VGLL4: variants seen among roughly 807,000 people sequenced by gnomAD.
VGLL4 encodes the protein vestigial like family member 4, also known as transcription cofactor vestigial-like protein 4.
In VGLL4, 7 loss-of-function variants were observed where a neutral mutation model predicts 21.0. That is an observed-to-expected ratio of 0.33 (90% CI 0.19 to 0.63). The LOEUF (loss-of-function observed/expected upper bound fraction) is 0.63. Among genes scored for constraint, VGLL4 ranks in the 20% least tolerant of loss-of-function variants. VGLL4 has a pLI of 0.78. For synonymous variants in VGLL4, 222 were observed against 173.2 expected (o/e 1.28, Z -2.21); for missense variants, 394 against 425.7 (o/e 0.93, Z 0.66).
intron 1 of VGLL4, among the ~76,000 whole-genome samples, chr3:11,609,112 C>T (rs1242486942): frequency 6.6e-6 from 1 of 152,128 alleles, no homozygotes; most frequent in Non-Finnish European, 1.5e-5. Context: ...AAGTTATCTA[C>T]CCACCTTGGC....
At chr3:11,564,690 C>T in intron 3 of VGLL4, 107 bp downstream of exon 3, 6 of 1,360,548 alleles carry the variant, frequency 4.4e-6, no homozygotes, top group Admixed American at 2.2e-5. Flanking sequence ...CCCTCACCAC[C>T]TCCCTCCCTC....
chr3:11,649,460 T>C (rs1275603957), intron 2 of VGLL4, among the ~76,000 whole-genome samples: 1 of 152,236 alleles, frequency 6.6e-6, no homozygotes, highest in African/African-American at 2.4e-5. Context: ...AATAGTTTAT[T>C]CTTCCTATAA....
At chr3:11,610,361 G>A (rs1281021272) in intron 1 of VGLL4, 1 of 152,200 alleles carries the variant, frequency 6.6e-6, no homozygotes, top group African/African-American at 2.4e-5. Context: ...GCCCCATTCT[G>A]GCTCACTTTT....
intron 2 of VGLL4, among the ~76,000 whole-genome samples, chr3:11,681,801 G>A (rs1254256125): frequency 6.6e-6 from 1 of 152,206 alleles, no homozygotes; most frequent in East Asian, 1.9e-4. Context: ...AGGAGCCAGC[G>A]AGTAAGATTC....
chr3:11,701,185 T>C (rs1017018557), intron 2 of VGLL4, among the ~76,000 whole-genome samples: 1 of 152,112 alleles, frequency 6.6e-6, no homozygotes, highest in African/African-American at 2.4e-5. Context: ...GGATCCCTCA[T>C]GAATGGCACG....
intron 1 of VGLL4, among the ~76,000 whole-genome samples, chr3:11,710,793 T>C (rs950125452): frequency 1.3e-5 from 2 of 152,182 alleles, no homozygotes; most frequent in Non-Finnish European, 2.9e-5. Flanking sequence ...GGTGTACTTC[T>C]TGGCCATCAA....
intron 2 of VGLL4, among the ~76,000 whole-genome samples, chr3:11,580,944 C>T (rs1215271884): frequency 1.3e-5 from 2 of 152,006 alleles, no homozygotes; most frequent in African/African-American, 2.4e-5. Context: ...TTCAAGTCAT[C>T]GGAGGATGGC....
chr3:11,704,367 A>T (rs2076727447), intron 1 of VGLL4, among the ~76,000 whole-genome samples: 1 of 148,966 alleles, frequency 6.7e-6, no homozygotes, highest in Non-Finnish European at 1.5e-5. Flanking sequence ...TGGGCAACAA[A>T]AGGGAAACTC....
intron 2 of VGLL4, chr3:11,702,869 T>C (rs1299200836): frequency 2.8e-6 from 3 of 1,086,396 alleles, no homozygotes; most frequent in East Asian, 3.1e-5. Context: ...TAACAGCAAA[T>C]AGCCAGAAAA....
chr3:11,637,075 A>G (rs1368521859), intron 1 of VGLL4, among the ~76,000 whole-genome samples: 1 of 151,392 alleles, frequency 6.6e-6, no homozygotes, highest in African/African-American at 2.4e-5. Flanking sequence ...AAAAAAAGCT[A>G]GAATTTGTTT....
In VGLL4 at chr3:11,650,827, G is replaced by A. The variant is rs375677202; in HGVS notation, c.65-48805C>T. On this transcript the variant is annotated intron_variant, in intron 2 of 5. Coordinates refer to the VGLL4 transcript ENST00000273038. ...GAAAATAAGTTTGACTATTCCTTGA[G>A]CTAAAGCATCAGTTAAACAATAAGT... Among the ~76,000 whole-genome samples, 5 of 152,094 alleles carry A rather than the reference G, an allele frequency of 3.3e-5. 1 individual carries two copies. Among genetic ancestry groups the A allele is most frequent in the African/African-American group, 1.2e-4 (5 of 41,484 alleles).
chr3:11,683,291 G>A (rs542295272), intron 2 of VGLL4, among the ~76,000 whole-genome samples: 1 of 152,236 alleles, frequency 6.6e-6, no homozygotes, highest in East Asian at 1.9e-4. Flanking sequence ...AATAGATGTT[G>A]GCATAGACAT....
chr3:11,556,863 A>G lies in VGLL4; in HGVS notation c.*1693T>C, dbSNP rs1402223845. The G allele has an allele frequency of 6.5e-6, 1 of 152,720 alleles. No individual in the cohort carries two copies. 9.5% of individuals were successfully genotyped at this position (152,720 alleles called of 1,614,324 possible). On this transcript the variant is annotated 3_prime_UTR_variant, in exon 5 of 5. Transcript: ENST00000430365. Reference sequence around the variant, plus strand: ...GGAAGCCCAGTACAGTGGGAGTGAAATGTGTGCGGGGCAAGGAGAAGGGCT... The same window carrying G: ...GGAAGCCCAGTACAGTGGGAGTGAAGTGTGTGCGGGGCAAGGAGAAGGGCT...
In VGLL4 at chr3:11,575,430, T is replaced by C. The variant is rs572246016; in HGVS notation, c.273-10411A>G. Among the ~76,000 whole-genome samples the C allele has an allele frequency of 5.3e-5, 8 of 152,340 alleles. 1 individual carries two copies. The South Asian group carries it at 1.7e-3, about 32-fold the overall frequency. ...TTTTGACTCCCTCCAGCAGCTCAGC[T>C]GGAATGTGCATCGTGTGTGAGTCTG... On this transcript the variant is annotated intron_variant, in intron 2 of 4. Coordinates refer to ENST00000430365, the MANE Select transcript of VGLL4 (RefSeq NM_001128219.3).
upstream of VGLL4, among the ~76,000 whole-genome samples, chr3:11,647,617 C>G (rs944183201): frequency 1.3e-5 from 2 of 152,122 alleles, no homozygotes; most frequent in African/African-American, 4.8e-5. Context: ...CAACACTGTT[C>G]AGATTTTGGA....
chr3:11,637,829 G>A (rs1166634427), intron 1 of VGLL4, among the ~76,000 whole-genome samples: 1 of 152,022 alleles, frequency 6.6e-6, no homozygotes, highest in Non-Finnish European at 1.5e-5. Flanking sequence ...TTGGGGGGTG[G>A]GAAATGACAC....
At chr3:11,571,102 C>T (rs908729966) in intron 2 of VGLL4, among the ~76,000 whole-genome samples, 8 of 152,112 alleles carry the variant, frequency 5.3e-5, no homozygotes, top group Non-Finnish European at 8.8e-5. Flanking sequence ...AGAAGTGTGT[C>T]GTGGGCAGGA....
At chr3:11,578,380 A>C (rs1309631454) in intron 2 of VGLL4, among the ~76,000 whole-genome samples, 1 of 152,040 alleles carries the variant, frequency 6.6e-6, no homozygotes, top group African/African-American at 2.4e-5. Context: ...CCTCCTCCCC[A>C]CACACCGGAG....
chr3:11,604,440 A>G (rs2074885467), intron 1 of VGLL4: 1 of 957,350 alleles, frequency 1.0e-6, no homozygotes, highest in Non-Finnish European at 1.2e-6. Context: ...AAAGGAAAAG[A>G]ATCCGCACAT....
Sources: gnomAD v4.1 joint callset for allele counts (sites outside exome capture counted in the v4.1 genomes callset) on GRCh38, gnomAD v4.1.1 for gene constraint, MANE v1.5 for transcripts, NCBI Gene and HGNC (gene_info 2026-07-23, HGNC 2026-07-21) for gene names.